The following CHST9 variants were observed in gnomAD, a reference collection of about 807,000 sequenced individuals.
CHST9 encodes the protein GalNAc-4-sulfotransferase 2.
Under a neutral mutation model 44.4 loss-of-function variants are expected in CHST9, and 41 were observed. That is an observed-to-expected ratio of 0.92 (90% confidence interval 0.72 to 1.20). The LOEUF (loss-of-function observed/expected upper bound fraction) is 1.20. Ranked by LOEUF, CHST9 falls within the 50% of genes most tolerant of loss-of-function variation. The pLI, the probability that CHST9 is intolerant of heterozygous loss-of-function variation, is 0.00. For synonymous variants in CHST9, 171 were observed against 178.4 expected (o/e 0.96, Z 0.33); for missense variants, 504 against 516.5 (o/e 0.98, Z 0.23).
At chr18:27,061,234 T>C (rs1324257365) in intron 2 of CHST9, among the ~76,000 whole-genome samples, 1 of 152,330 alleles carries the variant, frequency 6.6e-6, no homozygotes, top group South Asian at 2.1e-4. Context: ...GGGACCACCC[T>C]GCATCAGGTT....
At chr18:26,993,486 T>C (rs2056848989) in intron 4 of CHST9, among the ~76,000 whole-genome samples, 1 of 152,200 alleles carries the variant, frequency 6.6e-6, no homozygotes, top group Admixed American at 6.5e-5. Flanking sequence ...CTTTTTATAC[T>C]ACCAACATAG....
At chr18:27,020,507 G>A (rs556708476) in intron 4 of CHST9, among the ~76,000 whole-genome samples, 3 of 152,324 alleles carry the variant, frequency 2.0e-5, no homozygotes, top group South Asian at 2.1e-4. Flanking sequence ...CAGGTGCCTG[G>A]AATTTTGTCC....
chr18:27,009,348 A>C (rs1250155689), intron 4 of CHST9, among the ~76,000 whole-genome samples: 1 of 152,134 alleles, frequency 6.6e-6, no homozygotes, highest in African/African-American at 2.4e-5. Context: ...TCCTAGGAGG[A>C]GGCCAGGCAT....
intron 5 of CHST9, among the ~76,000 whole-genome samples, chr18:26,941,637 G>GA (rs900035731): frequency 4.0e-4 from 60 of 148,156 alleles, no homozygotes; most frequent in African/African-American, 8.4e-4. Flanking sequence ...AGAGACAGCT[G>GA]AAAAAAAAAA....
chr18:27,007,423 G>A (rs939715191), intron 4 of CHST9, among the ~76,000 whole-genome samples: 1 of 152,196 alleles, frequency 6.6e-6, no homozygotes, highest in African/African-American at 2.4e-5. Flanking sequence ...CCAGGGGTGA[G>A]GCAGGTAGCA....
intron 4 of CHST9, among the ~76,000 whole-genome samples, chr18:26,990,025 T>C (rs550975764): frequency 2.0e-5 from 3 of 151,940 alleles, no homozygotes; most frequent in East Asian, 3.9e-4. Context: ...GATAAACACA[T>C]TGTGGTATAT....
intron 4 of CHST9, among the ~76,000 whole-genome samples, chr18:26,952,918 A>T (rs2056271025): frequency 1.3e-5 from 2 of 152,110 alleles, no homozygotes; most frequent in African/African-American, 2.4e-5. Flanking sequence ...GGGCACACAG[A>T]TGGGGAAAAC....
intron 2 of CHST9, among the ~76,000 whole-genome samples, chr18:27,060,772 T>C (rs2057712236): frequency 6.6e-6 from 1 of 152,208 alleles, no homozygotes; most frequent in African/African-American, 2.4e-5. Flanking sequence ...GGTGGTCATT[T>C]GACATTTCTG....
At chr18:27,101,945 TA>T (rs758921913) in intron 2 of CHST9, among the ~76,000 whole-genome samples, 4 of 152,182 alleles carry the variant, frequency 2.6e-5, no homozygotes, top group African/African-American at 4.8e-5. Flanking sequence ...TTAAGTAAAT[TA>T]AAAACCACAG....
At chr18:27,117,875 T>C (rs760438197) in intron 2 of CHST9, among the ~76,000 whole-genome samples, 1 of 152,354 alleles carries the variant, frequency 6.6e-6, no homozygotes, top group South Asian at 2.1e-4. Context: ...ATGTTTTGCA[T>C]AGATACAAGT....
chr18:27,007,530 C>T (rs1010807884), intron 4 of CHST9, among the ~76,000 whole-genome samples: 2 of 152,118 alleles, frequency 1.3e-5, no homozygotes, highest in African/African-American at 4.8e-5. Flanking sequence ...CAGATATAAT[C>T]ACTGTAGGAG....
chr18:26,985,348 G>C (rs570407318), intron 4 of CHST9, among the ~76,000 whole-genome samples: 60 of 152,292 alleles, frequency 3.9e-4, no homozygotes, highest in African/African-American at 1.3e-3. Context: ...TTATTCTCTT[G>C]CCAAAACCAA....
At chr18:26,975,319 G>T (rs557120429) in intron 4 of CHST9, among the ~76,000 whole-genome samples, 94 of 152,126 alleles carry the variant, frequency 6.2e-4, no homozygotes, top group South Asian at 1.5e-3. Context: ...GTATAATTTT[G>T]TTACATGCAG....
At chr18:27,057,276 C>A (rs1202179493) in intron 2 of CHST9, among the ~76,000 whole-genome samples, 1 of 152,156 alleles carries the variant, frequency 6.6e-6, no homozygotes, top group African/African-American at 2.4e-5. Context: ...ATTTTATGTA[C>A]TACATTGTAA....
chr18:26,936,480 A>C (rs1396311696), intron 5 of CHST9: 1 of 152,190 alleles, frequency 6.6e-6, no homozygotes, highest in African/African-American at 2.4e-5. Flanking sequence ...TCTGTGGCTC[A>C]TATTGACAAT....
intron 1 of CHST9, among the ~76,000 whole-genome samples, chr18:27,165,858 C>G (rs1280879048): frequency 6.6e-6 from 1 of 152,210 alleles, no homozygotes; most frequent in African/African-American, 2.4e-5. Context: ...TAACCCACAT[C>G]TAAGTGCTTA....
intron 4 of CHST9, among the ~76,000 whole-genome samples, chr18:26,984,436 T>G (rs953564635): frequency 3.9e-5 from 6 of 152,086 alleles, no homozygotes; most frequent in African/African-American, 1.4e-4. Context: ...TAGGGTAATA[T>G]CTTCATAAAC....
chr18:27,079,492 A>G (rs2057940197), intron 2 of CHST9, among the ~76,000 whole-genome samples: 1 of 152,154 alleles, frequency 6.6e-6, no homozygotes, highest in African/African-American at 2.4e-5. Context: ...AATTAGCACA[A>G]TCTAGTGGTT....
At chr18:26,986,301 T>G (rs1359491086) in intron 4 of CHST9, among the ~76,000 whole-genome samples, 1 of 151,882 alleles carries the variant, frequency 6.6e-6, no homozygotes, top group Non-Finnish European at 1.5e-5. Flanking sequence ...ACTAGAATAT[T>G]TGGGACAAAA....
Sources: allele counts gnomAD v4.1 joint callset (sites outside exome capture counted in the v4.1 genomes callset), GRCh38; gene constraint gnomAD v4.1.1; transcripts MANE v1.5; gene names NCBI Gene and HGNC (gene_info 2026-07-23, HGNC 2026-07-21).